The following FNBP1 variants were observed in gnomAD, a reference collection of about 807,000 sequenced individuals.
The protein encoded by FNBP1 is formin binding protein 1, also known as formin-binding protein 1.
A neutral mutation model predicts 90.6 loss-of-function variants in FNBP1; 26 were observed. That is an observed-to-expected ratio of 0.29 (90% confidence interval 0.21 to 0.40). FNBP1 has a LOEUF of 0.40. Among genes scored for constraint, FNBP1 ranks in the 10% least tolerant of loss-of-function variants. FNBP1 has a pLI of 1.00. For synonymous variants in FNBP1, 260 were observed against 265.2 expected (o/e 0.98, Z 0.19); for missense variants, 635 against 768.0 (o/e 0.83, Z 2.05).
At chr9:129,981,246 C>A (rs1329329519) in intron 2 of FNBP1, among the ~76,000 whole-genome samples, 1 of 151,984 alleles carries the variant, frequency 6.6e-6, no homozygotes, top group Admixed American at 6.6e-5. Flanking sequence ...CACCACCACG[C>A]CCAGATAATT....
At chr9:130,002,663 C>T (rs966499667) in intron 1 of FNBP1, among the ~76,000 whole-genome samples, 1 of 152,184 alleles carries the variant, frequency 6.6e-6, no homozygotes, top group African/African-American at 2.4e-5. Flanking sequence ...ATAAGCCAAA[C>T]AAAGATTTTT....
chr9:130,035,811 T>C (rs1290540613), intron 1 of FNBP1, among the ~76,000 whole-genome samples: 1 of 152,098 alleles, frequency 6.6e-6, no homozygotes, highest in Admixed American at 6.6e-5. Context: ...CCAGGCGTGG[T>C]GGCACACGCC....
At chr9:129,904,933 T>C (rs943894501) in intron 12 of FNBP1, among the ~76,000 whole-genome samples, 1 of 152,196 alleles carries the variant, frequency 6.6e-6, no homozygotes, top group Admixed American at 6.5e-5. Flanking sequence ...AAATAAACAT[T>C]TAAAAATCAT....
At chr9:130,024,649 C>T (rs906318098) in intron 1 of FNBP1, among the ~76,000 whole-genome samples, 26 of 152,200 alleles carry the variant, frequency 1.7e-4, no homozygotes, top group African/African-American at 6.0e-4. Context: ...AATGACTGTT[C>T]ATTCCGCTTT....
chr9:130,009,245 G>A (rs1414305269), intron 1 of FNBP1, among the ~76,000 whole-genome samples: 1 of 152,118 alleles, frequency 6.6e-6, no homozygotes, highest in African/African-American at 2.4e-5. Flanking sequence ...CAAACACATA[G>A]GTGATGTCCC....
At chr9:130,022,658 C>A (rs2057949588) in intron 1 of FNBP1, among the ~76,000 whole-genome samples, 1 of 152,040 alleles carries the variant, frequency 6.6e-6, no homozygotes, top group African/African-American at 2.4e-5. Context: ...ACACAAATAC[C>A]AACACTCGCT....
chr9:129,971,399 GTTTTT>G (rs1053354720), intron 4 of FNBP1, among the ~76,000 whole-genome samples: 9 of 150,616 alleles, frequency 6.0e-5, no homozygotes, highest in African/African-American at 2.2e-4. Context: ...TTTGTTTTTT[GTTTTT>G]TTTTAAGACA....
At chr9:129,939,408 G>A (rs920635909) in intron 6 of FNBP1, among the ~76,000 whole-genome samples, 1 of 151,716 alleles carries the variant, frequency 6.6e-6, no homozygotes, top group Non-Finnish European at 1.5e-5. Flanking sequence ...AAAAAATCTT[G>A]CATATGTTAT....
At chr9:130,027,086 A>C (rs2058418174) in intron 1 of FNBP1, among the ~76,000 whole-genome samples, 1 of 152,192 alleles carries the variant, frequency 6.6e-6, no homozygotes, top group Non-Finnish European at 1.5e-5. Context: ...GGGAAATGGC[A>C]AAACCATATC....
At position 130,042,868 on chromosome 9, in the gene FNBP1, A is replaced by C. The variant is rs1030216764; in HGVS notation, c.24+84T>G. ...CAGCGCGCCCTCGCCTCCGCCCAGC[A>C]GCGCGGCCCGCGCCCCCTCCCCAGG... On this transcript the variant is annotated intron_variant, in intron 1 of 16. Coordinates refer to ENST00000446176, the MANE Select transcript of FNBP1 (RefSeq NM_015033.3). The surrounding 1 kb of genome is among the most constrained non-coding windows in gnomAD (Gnocchi z 5.5). 3 of 996,926 alleles carry C rather than the reference A, an allele frequency of 3.0e-6. No homozygotes were observed. The Admixed American group carries it at 1.3e-4, about 44-fold the overall frequency. The allele number at this position is 996,926 out of a possible 1,614,324, so 61.8% of individuals were successfully genotyped here.
At chr9:129,939,917 C>G (rs929102107) in intron 6 of FNBP1, among the ~76,000 whole-genome samples, 1 of 152,056 alleles carries the variant, frequency 6.6e-6, no homozygotes, top group African/African-American at 2.4e-5. Context: ...ATAAGAACAA[C>G]AGGCCAGGCA....
At chr9:129,892,694 G>A (rs1419807546) in intron 16 of FNBP1, among the ~76,000 whole-genome samples, 1 of 152,092 alleles carries the variant, frequency 6.6e-6, no homozygotes, top group Non-Finnish European at 1.5e-5. Flanking sequence ...AGTATACTTT[G>A]GGTGGAAATG....
At position 129,960,350 on chromosome 9, in the gene FNBP1, C is replaced by CTCCA. The variant is rs543885064; in HGVS notation, c.346-1801_346-1798dup. 2.8e-3 allele frequency among the ~76,000 whole-genome samples: 362 copies of CTCCA among 128,060 alleles called. 5 individuals carry two copies. Among genetic ancestry groups the CTCCA allele is most frequent in the Middle Eastern group, 6.8e-3 (1 of 148 alleles). 84.0% of individuals were successfully genotyped at this position (128,060 alleles called of 152,430 possible). ...ACTGAGCCGAGATCGCGCTGCTGTA[C>CTCCA]TCCAGCCTGGGTGACAGATCAAGAC... On this transcript the variant is annotated intron_variant, in intron 4 of 16. Coordinates refer to ENST00000446176, the MANE Select transcript of FNBP1 (RefSeq NM_015033.3).
chr9:129,983,461 A>G (rs935584463), intron 2 of FNBP1, among the ~76,000 whole-genome samples: 1 of 152,208 alleles, frequency 6.6e-6, no homozygotes, highest in African/African-American at 2.4e-5. Flanking sequence ...AAAAAAGATC[A>G]ACTTTCCATT....
intron 4 of FNBP1, among the ~76,000 whole-genome samples, chr9:129,972,275 A>G (rs988490483): frequency 6.6e-6 from 1 of 151,920 alleles, no homozygotes; most frequent in Non-Finnish European, 1.5e-5. Context: ...CTGGGATTCC[A>G]GGTGCCTGCC....
intron 4 of FNBP1, among the ~76,000 whole-genome samples, chr9:129,959,391 C>G (rs570967463): frequency 6.6e-6 from 1 of 151,678 alleles, no homozygotes; most frequent in Non-Finnish European, 1.5e-5. Flanking sequence ...GAGTTCAAGA[C>G]CAGCCTGGCC....
Position 130,011,215 on chromosome 9 carries a change from C to CAA in FNBP1, c.25-16259_25-16258dup, listed in dbSNP as rs1192541205. 1.0e-3 allele frequency among the ~76,000 whole-genome samples: 14 copies of CAA among 13,414 alleles called. 2 individuals are homozygous for CAA. Among genetic ancestry groups the CAA allele is most frequent in the Non-Finnish European group, 1.3e-3 (9 of 6,994 alleles). The allele number at this position is 13,414 out of a possible 152,430, so 8.8% of individuals were successfully genotyped here. On this transcript the variant is annotated intron_variant, in intron 1 of 16. Transcript: ENST00000446176. ...TGGGTGACAGAGTGAGACTCCATCT[C>CAA]AAAAAAAAAAAAAAAAAAAAAAAAA... is the stretch of plus-strand genomic sequence containing the variant.
At chr9:129,967,632 T>C (rs775797095) in intron 4 of FNBP1, among the ~76,000 whole-genome samples, 1 of 152,198 alleles carries the variant, frequency 6.6e-6, no homozygotes, top group Admixed American at 6.5e-5. Context: ...GCAATGGTGA[T>C]GCTGTATTAG....
chr9:129,931,881 A>AAGAC (rs61612203), intron 6 of FNBP1, among the ~76,000 whole-genome samples: 151,583 of 151,878 alleles, frequency 1, 75,644 homozygotes, highest in Middle Eastern at 1. Flanking sequence ...ACACAAGAAA[A>AAGAC]AGACAGAAAA....
Sources: gnomAD v4.1 joint callset for allele counts (sites outside exome capture counted in the v4.1 genomes callset) on GRCh38, gnomAD v4.1.1 for gene constraint, Gnocchi (gnomAD v3.1) non-coding constraint, MANE v1.5 for transcripts, NCBI Gene and HGNC (gene_info 2026-07-23, HGNC 2026-07-21) for gene names.